GANC: variants seen among roughly 807,000 people sequenced by gnomAD.
GANC encodes the protein glucosidase alpha, neutral C.
GANC carries 117 observed loss-of-function variants against 124.2 expected under a neutral mutation model. That is an observed-to-expected ratio of 0.94 (90% confidence interval 0.81 to 1.10). The LOEUF is 1.10. Ranked by LOEUF, GANC falls within the 50% of genes least tolerant of loss-of-function variation. The pLI is 0.00. For missense variants in GANC, 1,140 were observed against 1,095.0 expected, an observed-to-expected ratio of 1.04 and a Z score of -0.58; for synonymous variants, 377 against 376.8, an observed-to-expected ratio of 1.00 and a Z score of -0.01.
At chr15:42,282,418 G>C (rs1470762196) in intron 3 of GANC, among the ~76,000 whole-genome samples, 1 of 152,202 alleles carries the variant, frequency 6.6e-6, no homozygotes, top group Non-Finnish European at 1.5e-5. Context: ...GATATGGTAT[G>C]AGTGTGATCT....
At chr15:42,317,612 A>C (rs2052119091) in intron 10 of GANC, among the ~76,000 whole-genome samples, 1 of 152,244 alleles carries the variant, frequency 6.6e-6, no homozygotes, top group Non-Finnish European at 1.5e-5. Context: ...AAAAACCCTC[A>C]TTAAATTGTG....
intron 10 of GANC, among the ~76,000 whole-genome samples, chr15:42,316,345 A>G (rs1196348576): frequency 6.6e-6 from 1 of 152,076 alleles, no homozygotes; most frequent in Non-Finnish European, 1.5e-5. Context: ...GTGGCCCTGA[A>G]TGGCTGGGCG....
chr15:42,283,365 C>G (rs1444931516), intron 3 of GANC, among the ~76,000 whole-genome samples: 1 of 152,142 alleles, frequency 6.6e-6, no homozygotes, highest in Non-Finnish European at 1.5e-5. Flanking sequence ...TTTTGTAGAA[C>G]TCAGTTGTTG....
chr15:42,338,638 G>C (rs2052302994), intron 16 of GANC, 148 bp downstream of exon 16: 1 of 657,594 alleles, frequency 1.5e-6, no homozygotes, highest in Admixed American at 2.5e-5. Flanking sequence ...AAGAGGAGCG[G>C]ATTAGAGAGG....
intron 17 of GANC, among the ~76,000 whole-genome samples, chr15:42,340,186 T>A (rs768936368): frequency 6.6e-6 from 1 of 152,234 alleles, no homozygotes; most frequent in Non-Finnish European, 1.5e-5. Context: ...AGGAAGTGGC[T>A]TTGTAATAAA....
At chr15:42,277,211 A>G (rs552390279) in intron 2 of GANC, among the ~76,000 whole-genome samples, 2 of 152,258 alleles carry the variant, frequency 1.3e-5, no homozygotes, top group Non-Finnish European at 2.9e-5. Context: ...TAGGAATTAT[A>G]CCATTTGTAC....
At chr15:42,278,457 G>C in intron 2 of GANC, 25 bp from the exon 3 acceptor site, 1 of 1,424,890 alleles carries the variant, frequency 7.0e-7, no homozygotes, top group Non-Finnish European at 9.8e-7. Flanking sequence ...TAATTATCAA[G>C]CATCTGCATA....
chr15:42,278,418 A>G (rs1001752508), intron 2 of GANC, 64 bp from the exon 3 acceptor site: 3 of 1,080,498 alleles, frequency 2.8e-6, no homozygotes, highest in African/African-American at 1.5e-5. Flanking sequence ...ACATGATAAT[A>G]TAGTCTTTTG....
intron 3 of GANC, among the ~76,000 whole-genome samples, chr15:42,283,020 A>G (rs2051749469): frequency 6.6e-6 from 1 of 152,172 alleles, no homozygotes; most frequent in South Asian, 2.1e-4. Flanking sequence ...TCTAAACCTA[A>G]TTACCTCCCA....
intron 20 of GANC, among the ~76,000 whole-genome samples, chr15:42,346,306 G>A (rs2052362804): frequency 6.6e-6 from 1 of 152,112 alleles, no homozygotes; most frequent in Admixed American, 6.5e-5. Context: ...TAGCACATAT[G>A]CATAGAGACA....
chr15:42,319,411 C>T (rs1344126925), intron 10 of GANC, among the ~76,000 whole-genome samples: 4 of 152,084 alleles, frequency 2.6e-5, no homozygotes. Flanking sequence ...GTGGCGTGAC[C>T]ATGGCTCACT....
intron 22 of GANC, among the ~76,000 whole-genome samples, 195 bp from the exon 23 acceptor site, chr15:42,351,134 A>C (rs1012682429): frequency 4.6e-5 from 7 of 152,120 alleles, no homozygotes; most frequent in Admixed American, 4.6e-4. Context: ...GGCCTCCCAA[A>C]GTGCTGGGAT....
At chr15:42,310,078 G>A (rs2052035963) in intron 8 of GANC, among the ~76,000 whole-genome samples, 1 of 152,128 alleles carries the variant, frequency 6.6e-6, no homozygotes, top group African/African-American at 2.4e-5. Flanking sequence ...ATGTGCTAAT[G>A]TCACAGGAAG....
chr15:42,281,966 C>T (rs978645693), intron 3 of GANC, among the ~76,000 whole-genome samples: 6 of 152,128 alleles, frequency 3.9e-5, no homozygotes, highest in Admixed American at 3.3e-4. Context: ...GCAGATGGAT[C>T]TCCTGAGGTC....
At chr15:42,283,486 T>C (rs1048902903) in intron 3 of GANC, 6 of 613,852 alleles carry the variant, frequency 9.8e-6, no homozygotes, top group Admixed American at 8.2e-5. Flanking sequence ...TATGCTGTCT[T>C]GTGAGTCTAG....
intron 6 of GANC, among the ~76,000 whole-genome samples, chr15:42,302,120 C>T (rs6493037): frequency 0.91 from 138,462 of 152,192 alleles, 64,343 homozygotes; most frequent in Non-Finnish European, 1. Context: ...TGGCATCTTG[C>T]GGGTGCCCCT....
chr15:42,301,298 G>T (rs1315251224), intron 6 of GANC, among the ~76,000 whole-genome samples: 2 of 152,164 alleles, frequency 1.3e-5, no homozygotes, highest in African/African-American at 4.8e-5. Flanking sequence ...AACCATGAGA[G>T]ACTGTGCTGT....
intron 5 of GANC, among the ~76,000 whole-genome samples, chr15:42,297,073 C>T (rs1198821401): frequency 1.3e-5 from 2 of 152,092 alleles, no homozygotes; most frequent in Non-Finnish European, 1.5e-5. Flanking sequence ...TAAATTGTCA[C>T]AATCATTCTG....
chr15:42,333,341 A>G (rs982054731), intron 15 of GANC, among the ~76,000 whole-genome samples: 1 of 150,440 alleles, frequency 6.6e-6, no homozygotes, highest in African/African-American at 2.4e-5. Context: ...AAAAAAAAGA[A>G]TTTTTTTTTT....
Sources: gnomAD v4.1 joint callset for allele counts (sites outside exome capture counted in the v4.1 genomes callset) on GRCh38, gnomAD v4.1.1 for gene constraint, MANE v1.5 for transcripts, NCBI Gene and HGNC (gene_info 2026-07-23, HGNC 2026-07-21) for gene names.